VPS33B: variants seen among roughly 807,000 people sequenced by gnomAD.
VPS33B encodes vacuolar protein sorting-associated protein 33B.
In VPS33B, 80 loss-of-function variants were observed where a neutral mutation model predicts 95.3. The observed-to-expected ratio is 0.84, with a 90% CI of 0.70 to 1.01. The LOEUF (loss-of-function observed/expected upper bound fraction) is 1.01. Among genes scored for constraint, VPS33B ranks in the 50% least tolerant of loss-of-function variants. The pLI is 0.00. For synonymous variants in VPS33B, 280 were observed against 280.4 expected (o/e 1.00, Z 0.01); for missense variants, 715 against 773.4 (o/e 0.92, Z 0.90).
chr15:91,014,248 G>A (rs1409265028), intron 4 of VPS33B, 136 bp downstream of exon 4: 23 of 852,678 alleles, frequency 2.7e-5, no homozygotes, highest in African/African-American at 5.2e-5. Context: ...AAAAAGAAGC[G>A]GGGAAGCAGA....
Position 91,005,037 on chromosome 15 carries a change from A to G in VPS33B, c.1170+18T>C. On this transcript the variant is annotated intron_variant, in intron 15 of 22. Coordinates refer to ENST00000333371, the MANE Select transcript of VPS33B (RefSeq NM_018668.5). The surrounding 1 kb of genome is among the most constrained non-coding windows in gnomAD (Gnocchi z 6.4). ...TCTAAATGCCATTCTTGGCACCCCCAGCCCTCCACCTGCGCACCTGCCGGT... is the reference window on the plus strand; with the variant it reads ...TCTAAATGCCATTCTTGGCACCCCCGGCCCTCCACCTGCGCACCTGCCGGT... 6.2e-7 allele frequency: 1 copy of G among 1,614,164 alleles called. No individual in the cohort carries two copies. The highest frequency in any genetic ancestry group is 1.1e-5 in the South Asian group (1 of 91,082).
chr15:91,014,242 A>AT, intron 4 of VPS33B, 142 bp downstream of exon 4: 2 of 818,388 alleles, frequency 2.4e-6, no homozygotes, highest in Non-Finnish European at 4.0e-6. Context: ...AAAAAAAAAA[A>AT]GAAGCGGGGA....
intron 16 of VPS33B, 84 bp from the exon 17 acceptor site, chr15:91,003,215 C>T (rs946158334): frequency 1.6e-5 from 21 of 1,331,922 alleles, no homozygotes; most frequent in African/African-American, 5.8e-5. Context: ...CAGCAACGAA[C>T]GCCTTCTTCA....
rs1361917911 is a variant in VPS33B, at chr15:91,015,073, C to G, written c.240-640G>C. Reference sequence around the variant, plus strand: ...AACATTGGCTGGGCATGGTGGCTCACACCTGTAATCCCAGCACTTTGGGAG... The same window carrying G: ...AACATTGGCTGGGCATGGTGGCTCAGACCTGTAATCCCAGCACTTTGGGAG... On this transcript the variant is annotated intron_variant, in intron 3 of 22. Coordinates refer to ENST00000333371, the MANE Select transcript of VPS33B (RefSeq NM_018668.5). This position sits in a 1 kb window ranked among gnomAD's most constrained non-coding sequence, Gnocchi z 4.7. 6.8e-6 allele frequency among the ~76,000 whole-genome samples: 1 copy of G among 147,612 alleles called. No individual in the cohort carries two copies. The highest frequency in any genetic ancestry group is 1.5e-5 in the Non-Finnish European group (1 of 67,012).
chr15:91,017,387 T>A (rs1190609792), intron 2 of VPS33B, among the ~76,000 whole-genome samples: 18,674 of 51,498 alleles, frequency 0.36, 5,638 homozygotes, highest in East Asian at 0.99. Context: ...TATATATATA[T>A]ATATATATAT....
rs755192361 is a variant in VPS33B, at chr15:90,999,964, C to T, written c.1593G>A (p.Arg531=). 3 of 1,614,238 alleles carry T rather than the reference C, an allele frequency of 1.9e-6. No homozygotes were observed. Among genetic ancestry groups the T allele is most frequent in the Non-Finnish European group, 8.5e-7 (1 of 1,180,042 alleles). The change falls in exon 21 of 23, where the codon CGG becomes CGA. Residue 531 remains arginine, a synonymous_variant. Transcript: ENST00000333371. The surrounding 1 kb of genome is among the most constrained non-coding windows in gnomAD (Gnocchi z 5.1). ...CCTCATCAAGGCCCTGCCAGCTTCG[C>T]CGCTCTAGCACCTGGGAAGGTGTAA... ...SCRIIEQVLE[R]RSWQGLDEVV...
In VPS33B at chr15:90,999,720, T is replaced by G; in HGVS notation, c.1731A>C (p.Thr577=). 3 of 1,614,200 alleles carry G rather than the reference T, an allele frequency of 1.9e-6. No homozygotes were observed. The highest frequency in any genetic ancestry group is 2.5e-6 in the Non-Finnish European group (3 of 1,180,040). Residue 577 remains threonine (T), a synonymous_variant, in exon 22 of 23, where the codon ACA becomes ACC. Transcript: ENST00000333371. The surrounding 1 kb of genome is among the most constrained non-coding windows in gnomAD (Gnocchi z 5.1). ...LILVVFLGGC[T]FSEISALRFL... ...ACCGGAGGGCTGAGATCTCAGAGAATGTACAACCACCCAAGAACACCACCA... is the reference window on the plus strand; with the variant it reads ...ACCGGAGGGCTGAGATCTCAGAGAAGGTACAACCACCCAAGAACACCACCA...
intron 1 of VPS33B, among the ~76,000 whole-genome samples, chr15:91,021,796 A>G (rs2041109910): frequency 6.6e-6 from 1 of 152,246 alleles, no homozygotes; most frequent in Non-Finnish European, 1.5e-5. Context: ...CGGGTACACT[A>G]GCTCTATCAC....
rs1228580317 is a variant in VPS33B, at chr15:91,018,135, T to C, written c.97-250A>G. ...CACCTTCTTTCTCAGGTTAACTCCT[T>C]GTCACTCAACCCTTCTGCTCACCTG... On this transcript the variant is annotated intron_variant, in intron 1 of 22. Transcript: ENST00000333371. This position sits in a 1 kb window ranked among gnomAD's most constrained non-coding sequence, Gnocchi z 4.7. The C allele has an allele frequency of 1.2e-5, 6 of 499,514 alleles. No individual in the cohort carries two copies. The Admixed American group carries it at 1.5e-4, about 12-fold the overall frequency. 30.9% of individuals were successfully genotyped at this position (499,514 alleles called of 1,614,324 possible).
At chr15:91,001,596 T>C in intron 18 of VPS33B, 134 bp from the exon 19 acceptor site, 1 of 776,378 alleles carries the variant, frequency 1.3e-6, no homozygotes, top group South Asian at 1.4e-5. Flanking sequence ...TATAATTCCC[T>C]GGAACTAATC....
At chr15:91,001,501 A>G (rs774475501) in intron 18 of VPS33B, 39 bp from the exon 19 acceptor site, 58 of 1,546,576 alleles carry the variant, frequency 3.8e-5, no homozygotes, top group Admixed American at 2.2e-4. Context: ...CCTAAGGTCT[A>G]TGGATTCATG....
rs373952904 is a variant in VPS33B, at chr15:91,000,448, G to C, written c.1581+42C>G. The C allele has an allele frequency of 1.2e-5, 19 of 1,557,614 alleles. No homozygotes were observed. The African/African-American group carries it at 1.8e-4, about 15-fold the overall frequency. Reference sequence around the variant, plus strand: ...ACGCCAGGGACCAAGAGAAAGCAGAGAGAATGAAATATGAATGGGAGCAAG... The same window carrying C: ...ACGCCAGGGACCAAGAGAAAGCAGACAGAATGAAATATGAATGGGAGCAAG... On this transcript the variant is annotated intron_variant, in intron 20 of 22. Transcript: ENST00000333371. This position sits in a 1 kb window ranked among gnomAD's most constrained non-coding sequence, Gnocchi z 4.9.
chr15:91,017,682 C>G, intron 2 of VPS33B, 123 bp downstream of exon 2: 1 of 926,946 alleles, frequency 1.1e-6, no homozygotes. Flanking sequence ...TCTCCCTTTT[C>G]TACCCAATTA....
intron 15 of VPS33B, 48 bp from the exon 16 acceptor site, chr15:91,004,979 G>C (rs1379250166): frequency 6.2e-7 from 1 of 1,613,984 alleles, no homozygotes; most frequent in African/African-American, 1.3e-5. Flanking sequence ...CACAACACGT[G>C]TTCTTTTCCT....
Position 91,006,232 on chromosome 15 carries a change from C to T in VPS33B, c.852+140G>A. On this transcript the variant is annotated intron_variant, in intron 11 of 22. Transcript: ENST00000333371. The surrounding 1 kb of genome is among the most constrained non-coding windows in gnomAD (Gnocchi z 5.4). ...ACCGTGTTCTAGGAGATGCTCTGAACTGGTGGGGAAACCCTCTCTCCCATA... is the reference window on the plus strand; with the variant it reads ...ACCGTGTTCTAGGAGATGCTCTGAATTGGTGGGGAAACCCTCTCTCCCATA... 7.2e-7 allele frequency: 1 copy of T among 1,385,294 alleles called. No individual in the cohort carries two copies. Among genetic ancestry groups the T allele is most frequent in the Non-Finnish European group, 1.0e-6 (1 of 976,604 alleles). 85.8% of individuals were successfully genotyped at this position (1,385,294 alleles called of 1,614,324 possible).
chr15:91,001,037 T>C, intron 19 of VPS33B: 1 of 360,974 alleles, frequency 2.8e-6, no homozygotes, highest in Non-Finnish European at 5.3e-6. Flanking sequence ...CACAATGGGC[T>C]GGGCGCAGTG....
intron 6 of VPS33B, among the ~76,000 whole-genome samples, chr15:91,008,962 C>A (rs2040696265): frequency 6.6e-6 from 1 of 152,144 alleles, no homozygotes; most frequent in Non-Finnish European, 1.5e-5. Flanking sequence ...GAGAAGGAAG[C>A]AGCACACGAT....
At position 91,000,461 on chromosome 15, in the gene VPS33B, G is replaced by A. The variant is rs753902584; in HGVS notation, c.1581+29C>T. The A allele has an allele frequency of 4.4e-6, 7 of 1,580,706 alleles. No individual in the cohort carries two copies. In the Admixed American group the frequency reaches 1.2e-4, roughly 27 times the overall value. ...AGAGAAAGCAGAGAGAATGAAATAT[G>A]AATGGGAGCAAGAATTACATGCTCT... is the stretch of plus-strand genomic sequence containing the variant. On this transcript the variant is annotated intron_variant, in intron 20 of 22. Coordinates refer to ENST00000333371, the MANE Select transcript of VPS33B (RefSeq NM_018668.5). This position sits in a 1 kb window ranked among gnomAD's most constrained non-coding sequence, Gnocchi z 4.9.
At position 90,999,466 on chromosome 15, in the gene VPS33B, C is replaced by CG. The variant is rs2040369769; in HGVS notation, c.1774+210dup. 1 of 619,476 alleles carries CG rather than the reference C, an allele frequency of 1.6e-6. No homozygotes were observed. Among genetic ancestry groups the CG allele is most frequent in the Non-Finnish European group, 2.9e-6 (1 of 339,914 alleles). 38.4% of individuals were successfully genotyped at this position (619,476 alleles called of 1,614,324 possible). Reference sequence around the variant, plus strand: ...CCCGAGTAGTTAGCATTACAGGCACCGGCCACCATGCCTGGCTAATTTTTG... The same window carrying CG: ...CCCGAGTAGTTAGCATTACAGGCACCGGGCCACCATGCCTGGCTAATTTTTG... On this transcript the variant is annotated intron_variant, in intron 22 of 22. Coordinates refer to ENST00000333371, the MANE Select transcript of VPS33B (RefSeq NM_018668.5). The surrounding 1 kb of genome is among the most constrained non-coding windows in gnomAD (Gnocchi z 5.1).
Sources: gnomAD v4.1 joint callset for allele counts (sites outside exome capture counted in the v4.1 genomes callset) on GRCh38, gnomAD v4.1.1 for gene constraint, Gnocchi (gnomAD v3.1) non-coding constraint, MANE v1.5 for transcripts, NCBI Gene and HGNC (gene_info 2026-07-23, HGNC 2026-07-21) for gene names.